Variants in PPFIBP1 observed in about 807,000 individuals in gnomAD.
PPFIBP1 encodes the protein PPFIB scaffold protein 1.
In PPFIBP1, 112 loss-of-function variants were observed where a neutral mutation model predicts 137.8. That is an observed-to-expected ratio of 0.81 (90% CI 0.70 to 0.95). The LOEUF (loss-of-function observed/expected upper bound fraction) is 0.95. Ranked by LOEUF, PPFIBP1 falls within the 40% of genes least tolerant of loss-of-function variation. The pLI is 0.00. For synonymous variants in PPFIBP1, 378 were observed against 417.3 expected (o/e 0.91, Z 1.15); for missense variants, 1,083 against 1,196.6 (o/e 0.91, Z 1.40).
intron 1 of PPFIBP1, among the ~76,000 whole-genome samples, chr12:27,527,501 C>T (rs537180206): frequency 1.1e-4 from 16 of 152,128 alleles, no homozygotes; most frequent in Non-Finnish European, 2.4e-4. Flanking sequence ...CCTTGACCTC[C>T]CAAAGTGCTA....
chr12:27,614,739 T>C (rs2055559013), intron 2 of PPFIBP1, among the ~76,000 whole-genome samples: 1 of 152,188 alleles, frequency 6.6e-6, no homozygotes, highest in African/African-American at 2.4e-5. Flanking sequence ...GGAGGAATTT[T>C]TTCAATAAAA....
At chr12:27,593,743 T>A in intron 2 of PPFIBP1, 1 of 664,586 alleles carries the variant, frequency 1.5e-6, no homozygotes, top group Non-Finnish European at 2.5e-6. Context: ...GAGTCTGTGT[T>A]GTCAGAGCCA....
rs999668973 is a variant in PPFIBP1 at position 27,550,136 on chromosome 12, ACT to A, written c.-124+25775_-124+25776del. Reference sequence around the variant, plus strand: ...AAATTTGTAAAAAGCACCTTCTTATACTCTCAGGCAAACTTTGAACCCGAGCT... The same window carrying A: ...AAATTTGTAAAAAGCACCTTCTTATACTCAGGCAAACTTTGAACCCGAGCT... On this transcript the variant is annotated intron_variant, in intron 1 of 29. Coordinates refer to ENST00000228425, the MANE Select transcript of PPFIBP1 (RefSeq NM_003622.4). Among the ~76,000 whole-genome samples the A allele has an allele frequency of 3.3e-5, 5 of 152,336 alleles. No individual in the cohort carries two copies. In the East Asian group the frequency reaches 7.7e-4, roughly 23 times the overall value.
At chr12:27,527,431 C>T (rs1454604444) in intron 1 of PPFIBP1, among the ~76,000 whole-genome samples, 3 of 151,862 alleles carry the variant, frequency 2.0e-5, no homozygotes, top group Admixed American at 6.6e-5. Flanking sequence ...TTAGTAGAGG[C>T]GGGTTCTCAC....
intron 1 of PPFIBP1, among the ~76,000 whole-genome samples, chr12:27,556,534 G>T (rs565273932): frequency 6.6e-6 from 1 of 152,286 alleles, no homozygotes; most frequent in Admixed American, 6.5e-5. Flanking sequence ...ATAGGAATTA[G>T]GAATTCATGA....
Position 27,672,467 on chromosome 12 carries a change from C to A in PPFIBP1, c.1303C>A (p.Leu435Met). ...CCTTGGTGCCACTGTTGATACCCAA[C>A]TGTGTGATAAACTTTTGTAAGTTAC... is the stretch of plus-strand genomic sequence containing the variant. ...IILGATVDTQLCDKLLTSSLQ... is the reference protein window; with the variant it reads ...IILGATVDTQMCDKLLTSSLQ... The change falls in exon 15 of 30, where the codon CTG (leucine) becomes ATG (methionine). Residue 435 changes from leucine to methionine, a missense_variant. Transcript: ENST00000228425. The A allele has an allele frequency of 1.9e-6, 3 of 1,607,778 alleles. No homozygotes were observed. Among genetic ancestry groups the A allele is most frequent in the Non-Finnish European group, 2.6e-6 (3 of 1,174,786 alleles).
intron 18 of PPFIBP1, chr12:27,676,818 T>C (rs1201466126): frequency 2.8e-6 from 2 of 706,120 alleles, no homozygotes; most frequent in African/African-American, 3.5e-5. Flanking sequence ...GGTATAAACT[T>C]AGCGGAAAGA....
intron 1 of PPFIBP1, among the ~76,000 whole-genome samples, chr12:27,575,157 C>G (rs188839800): frequency 6.6e-6 from 1 of 152,268 alleles, no homozygotes; most frequent in East Asian, 1.9e-4. Context: ...ATCTTATGGT[C>G]TCTGTTGCTA....
intron 4 of PPFIBP1, among the ~76,000 whole-genome samples, chr12:27,639,635 G>A (rs190124936): frequency 3.3e-5 from 5 of 152,296 alleles, no homozygotes; most frequent in Admixed American, 2.6e-4. Context: ...TGGTAGTAAC[G>A]CCAAAGCAGG....
Position 27,687,382 on chromosome 12 carries a change from C to T in PPFIBP1, c.2248-3C>T. 1.2e-6 allele frequency: 2 copies of T among 1,611,960 alleles called. No individual in the cohort carries two copies. Among genetic ancestry groups the T allele is most frequent in the South Asian group, 2.2e-5 (2 of 90,838 alleles). Reference sequence around the variant, plus strand: ...GAGCTCCTCCTTTTGTTCTTTTTTGCAGGATGACTTACTGTCTCTGAAGGT... The same window carrying T: ...GAGCTCCTCCTTTTGTTCTTTTTTGTAGGATGACTTACTGTCTCTGAAGGT... On this transcript the variant is annotated splice_polypyrimidine_tract_variant and splice_region_variant and intron_variant, in intron 24 of 29. Coordinates refer to ENST00000228425, the MANE Select transcript of PPFIBP1 (RefSeq NM_003622.4).
At chr12:27,534,710 C>T (rs927945936) in intron 1 of PPFIBP1, among the ~76,000 whole-genome samples, 1 of 152,084 alleles carries the variant, frequency 6.6e-6, no homozygotes, top group Non-Finnish European at 1.5e-5. Context: ...GGTTTTGGAG[C>T]CCACAGCTAG....
At chr12:27,646,331 TA>T in intron 5 of PPFIBP1, 183 bp downstream of exon 5, 1 of 634,962 alleles carries the variant, frequency 1.6e-6, no homozygotes, top group Non-Finnish European at 2.9e-6. Flanking sequence ...ACACCCAGTT[TA>T]AAAGGAGCTA....
chr12:27,641,107 T>G (rs1208813954), intron 4 of PPFIBP1, among the ~76,000 whole-genome samples: 2 of 152,198 alleles, frequency 1.3e-5, no homozygotes, highest in African/African-American at 4.8e-5. Flanking sequence ...GTGCGTGTAT[T>G]TGTGTATATG....
At chr12:27,672,402 A>G (rs760027320) in intron 14 of PPFIBP1, 25 bp from the exon 15 acceptor site, 22 of 1,580,932 alleles carry the variant, frequency 1.4e-5, no homozygotes. Flanking sequence ...AAGTTAATAA[A>G]TACCTTTTGT....
At chr12:27,621,674 C>G (rs1406586240) in intron 2 of PPFIBP1, among the ~76,000 whole-genome samples, 1 of 152,092 alleles carries the variant, frequency 6.6e-6, no homozygotes, top group East Asian at 1.9e-4. Flanking sequence ...GTAACTGACA[C>G]CCAGTTGGAA....
At chr12:27,627,729 C>G (rs538888627) in intron 2 of PPFIBP1, among the ~76,000 whole-genome samples, 1 of 152,098 alleles carries the variant, frequency 6.6e-6, no homozygotes, top group African/African-American at 2.4e-5. Context: ...CCGGAACTTT[C>G]CTTGATATTT....
chr12:27,658,268 C>T (rs1593187847), intron 9 of PPFIBP1, among the ~76,000 whole-genome samples: 1 of 152,140 alleles, frequency 6.6e-6, no homozygotes, highest in East Asian at 1.9e-4. Context: ...CCAGTGCCCA[C>T]CAGCTAACTA....
chr12:27,623,076 AAGCAGTCCATGT>A (rs1283064877), intron 2 of PPFIBP1, among the ~76,000 whole-genome samples: 1 of 152,148 alleles, frequency 6.6e-6, no homozygotes. Context: ...TATATCTAGG[AAGCAGTCCATGT>A]AGCCTGCATA....
intron 2 of PPFIBP1, among the ~76,000 whole-genome samples, chr12:27,593,160 T>G (rs1389582726): frequency 3.6e-5 from 5 of 140,404 alleles, no homozygotes; most frequent in Non-Finnish European, 7.7e-5. Flanking sequence ...AGCCCAAGTG[T>G]CAATGCAAAG....
Sources: gnomAD v4.1 joint callset for allele counts (sites outside exome capture counted in the v4.1 genomes callset) on GRCh38, gnomAD v4.1.1 for gene constraint, MANE v1.5 for transcripts, NCBI Gene and HGNC (gene_info 2026-07-23, HGNC 2026-07-21) for gene names.